SCN9A: variants seen among roughly 807,000 people sequenced by gnomAD.
SCN9A encodes sodium channel protein type 9 subunit alpha.
A neutral mutation model predicts 187.0 loss-of-function variants in SCN9A; 131 were observed. The ratio of observed to expected loss-of-function variants is 0.70; its 90% CI spans 0.61 to 0.81. SCN9A has a LOEUF of 0.81. Ranked by LOEUF, SCN9A falls within the 30% of genes least tolerant of loss-of-function variation. The pLI is 0.00. For synonymous variants in SCN9A, 809 were observed against 808.6 expected (o/e 1.00, Z -0.01); for missense variants, 2,252 against 2,396.6 (o/e 0.94, Z 1.26).
rs1303872643 is a variant in SCN9A, at chr2:166,199,481, C to G, written c.5158G>C (p.Val1720Leu). 3.1e-6 allele frequency: 5 copies of G among 1,614,118 alleles called. No individual in the cohort carries two copies. The South Asian group carries it at 5.5e-5, about 18-fold the overall frequency. The change falls in exon 27 of 27, where the codon GTT becomes CTT. Residue 1720 changes from valine (V) to leucine (L), a missense_variant. Coordinates refer to ENST00000642356, the MANE Select transcript of SCN9A (RefSeq NM_001365536.1). ...CCTTCAACTGAACTTCCAGGATGAACTTTTTTTGGGTCACAGTCGGGTGGC... is the reference window on the plus strand; with the variant it reads ...CCTTCAACTGAACTTCCAGGATGAAGTTTTTTTGGGTCACAGTCGGGTGGC... ...SKPPDCDPKK[V>L]HPGSSVEGDC... is the part of the protein sequence containing the mutation.
chr2:166,226,257 T>A (rs1185551141), intron 24 of SCN9A, among the ~76,000 whole-genome samples: 1 of 152,154 alleles, frequency 6.6e-6, no homozygotes, highest in Non-Finnish European at 1.5e-5. Context: ...GTGTATTGAT[T>A]TTTCTTAATT....
At chr2:166,311,848 C>T in intron 1 of SCN9A, 42 bp from the exon 2 acceptor site, 4 of 1,228,820 alleles carry the variant, frequency 3.3e-6, no homozygotes, top group Non-Finnish European at 4.4e-6. Flanking sequence ...TATTTGCCTG[C>T]CAAGAAAGGC....
intron 24 of SCN9A, among the ~76,000 whole-genome samples, chr2:166,218,908 T>C (rs576050852): frequency 9.9e-5 from 15 of 152,036 alleles, no homozygotes; most frequent in African/African-American, 3.1e-4. Context: ...GGGCAAAGGA[T>C]ATGAACAGAC....
intron 1 of SCN9A, among the ~76,000 whole-genome samples, chr2:166,331,841 C>T (rs1348515308): frequency 6.6e-6 from 1 of 152,106 alleles, no homozygotes; most frequent in Admixed American, 6.6e-5. Context: ...TCCATCACTA[C>T]TTTAATATAA....
chr2:166,286,300 C>A, intron 11 of SCN9A, 36 bp downstream of exon 11: 1 of 1,564,964 alleles, frequency 6.4e-7, no homozygotes, highest in Non-Finnish European at 8.6e-7. Context: ...TAGCATTCTG[C>A]CTCGGGTGAT....
chr2:166,303,987 T>A, intron 6 of SCN9A: 1 of 1,569,668 alleles, frequency 6.4e-7, no homozygotes, highest in Non-Finnish European at 8.8e-7. Flanking sequence ...ATGTCTTTCT[T>A]TCAAAAGATC....
intron 1 of SCN9A, among the ~76,000 whole-genome samples, chr2:166,319,800 C>T (rs1699194240): frequency 6.6e-6 from 1 of 151,944 alleles, no homozygotes; most frequent in South Asian, 2.1e-4. Context: ...GAATAGCTTA[C>T]AAAAATTGAG....
intron 26 of SCN9A, among the ~76,000 whole-genome samples, chr2:166,202,163 A>G (rs1693568108): frequency 6.6e-6 from 1 of 150,976 alleles, no homozygotes; most frequent in Non-Finnish European, 1.5e-5. Context: ...TTTTCCCCAA[A>G]GAATATTTTG....
At chr2:166,373,975 G>T (rs949543701) in intron 1 of SCN9A, among the ~76,000 whole-genome samples, 1 of 152,048 alleles carries the variant, frequency 6.6e-6, no homozygotes. Flanking sequence ...GAACCCTACT[G>T]ATTGCTCTTC....
chr2:166,374,004 T>C (rs1700626061), intron 1 of SCN9A, among the ~76,000 whole-genome samples: 1 of 152,212 alleles, frequency 6.6e-6, no homozygotes, highest in Non-Finnish European at 1.5e-5. Context: ...TTTATTTGTT[T>C]ATCTATTTTG....
At chr2:166,361,788 A>G (rs537274423) in intron 1 of SCN9A, among the ~76,000 whole-genome samples, 1 of 152,224 alleles carries the variant, frequency 6.6e-6, no homozygotes, top group East Asian at 1.9e-4. Flanking sequence ...AGCCAGCAAG[A>G]TACAAGGAAC....
rs375484262 is a variant in SCN9A, at chr2:166,315,180, AC to A, written c.-50-3375del. ...AAGACGGGATAACTTGCCTCACTAGACTTTCAGTGTAGACATACTGTGGCTC... is the reference window on the plus strand; with the variant it reads ...AAGACGGGATAACTTGCCTCACTAGATTTCAGTGTAGACATACTGTGGCTC... On this transcript the variant is annotated intron_variant, in intron 1 of 26. Coordinates refer to ENST00000642356, the MANE Select transcript of SCN9A (RefSeq NM_001365536.1). Among the ~76,000 whole-genome samples, 184 of 152,320 alleles carry A rather than the reference AC, an allele frequency of 1.2e-3. 3 individuals are homozygous for A. The South Asian group carries it at 0.037, about 31-fold the overall frequency.
intron 1 of SCN9A, among the ~76,000 whole-genome samples, chr2:166,322,297 G>GT (rs1230984379): frequency 6.6e-6 from 1 of 152,070 alleles, no homozygotes; most frequent in Non-Finnish European, 1.5e-5. Context: ...TTCAGCAACA[G>GT]TTACAATATA....
intron 11 of SCN9A, 91 bp downstream of exon 11, chr2:166,286,245 T>G: frequency 8.1e-7 from 1 of 1,231,858 alleles, no homozygotes. Context: ...AATCACTCAC[T>G]ATCCTCTCCC....
At chr2:166,270,251 A>T (rs908593613) in intron 17 of SCN9A, among the ~76,000 whole-genome samples, 72 of 152,148 alleles carry the variant, frequency 4.7e-4, no homozygotes, top group African/African-American at 1.5e-3. Flanking sequence ...ACAAATAAAA[A>T]ATATAGTAAA....
At chr2:166,263,889 G>A (rs1696619591) in intron 17 of SCN9A, among the ~76,000 whole-genome samples, 1 of 151,996 alleles carries the variant, frequency 6.6e-6, no homozygotes, top group Admixed American at 6.6e-5. Flanking sequence ...AAAGCAGCAA[G>A]GCAGGATACT....
Position 166,286,328 on chromosome 2 carries a change from G to A in SCN9A, c.1602+8C>T, listed in dbSNP as rs1219256206. 1.3e-6 allele frequency: 2 copies of A among 1,598,678 alleles called. No homozygotes were observed. Among genetic ancestry groups the A allele is most frequent in the African/African-American group, 2.7e-5 (2 of 73,810 alleles). On this transcript the variant is annotated splice_region_variant and intron_variant, in intron 11 of 26. Transcript: ENST00000642356. ...CGGGTGATACACATTTAGCAATTTG[G>A]GTGGTACCTGATTGGGGGTAGACAA...
intron 24 of SCN9A, among the ~76,000 whole-genome samples, chr2:166,211,572 A>G (rs1297513323): frequency 6.6e-6 from 1 of 152,092 alleles, no homozygotes; most frequent in East Asian, 1.9e-4. Flanking sequence ...AATAATTAAG[A>G]ATAACTAAAA....
chr2:166,281,408 AACATC>A (rs1479613365), intron 13 of SCN9A, among the ~76,000 whole-genome samples: 1 of 152,178 alleles, frequency 6.6e-6, no homozygotes, highest in Non-Finnish European at 1.5e-5. Flanking sequence ...CAGATCACCC[AACATC>A]TGTCTTTGTG....
Sources: allele counts gnomAD v4.1 joint callset (sites outside exome capture counted in the v4.1 genomes callset), GRCh38; gene constraint gnomAD v4.1.1; transcripts MANE v1.5; gene names NCBI Gene and HGNC (gene_info 2026-07-23, HGNC 2026-07-21).